Variants in ARB2A observed in about 807,000 individuals in gnomAD.
The protein encoded by ARB2A is cotranscriptional regulator ARB2A.
chr5:93,971,361 C>T, the ARB2A span, among the ~76,000 whole-genome samples: 11 of 151,804 alleles, frequency 7.2e-5, no homozygotes, highest in African/African-American at 2.2e-4. Flanking sequence ...TGAGATCAGG[C>T]GTTCGAAACC....
At chr5:93,740,913 T>C in the ARB2A span, 1 of 1,614,014 alleles carries the variant, frequency 6.2e-7, no homozygotes, top group Non-Finnish European at 8.5e-7. Flanking sequence ...TTCGTCGCTC[T>C]CTGCTTGCCC....
At chr5:94,033,336 A>G in the ARB2A span, among the ~76,000 whole-genome samples, 1 of 152,188 alleles carries the variant, frequency 6.6e-6, no homozygotes, top group African/African-American at 2.4e-5. Flanking sequence ...TGAGTCTCAC[A>G]TGAGACTTTG....
chr5:94,068,724 A>G, the ARB2A span, among the ~76,000 whole-genome samples: 1 of 152,062 alleles, frequency 6.6e-6, no homozygotes, highest in East Asian at 1.9e-4. Flanking sequence ...AAGTGGGTGC[A>G]GTCACCTTCC....
At chr5:94,074,613 A>C in the ARB2A span, 8 of 1,549,732 alleles carry the variant, frequency 5.2e-6, no homozygotes, top group Non-Finnish European at 8.8e-7. Flanking sequence ...AGGCACAATG[A>C]AAATTTCCTG....
At chr5:93,837,488 A>G in the ARB2A span, among the ~76,000 whole-genome samples, 3 of 152,128 alleles carry the variant, frequency 2.0e-5, no homozygotes, top group African/African-American at 7.2e-5. Flanking sequence ...AAAGGAATAT[A>G]ATACATTCCA....
the ARB2A span, among the ~76,000 whole-genome samples, chr5:93,971,375 C>A: frequency 4.5e-4 from 69 of 151,912 alleles, no homozygotes; most frequent in African/African-American, 1.6e-3. Flanking sequence ...CGAAACCAGC[C>A]TGGCCAACGT....
the ARB2A span, among the ~76,000 whole-genome samples, chr5:93,895,143 T>A: frequency 6.6e-6 from 1 of 152,200 alleles, no homozygotes; most frequent in Non-Finnish European, 1.5e-5. Flanking sequence ...AGCAGTTGTC[T>A]GTGCTCATGC....
At chr5:94,029,255 G>A in the ARB2A span, among the ~76,000 whole-genome samples, 3 of 152,112 alleles carry the variant, frequency 2.0e-5, no homozygotes, top group African/African-American at 7.2e-5. Context: ...GCCTCCCAAG[G>A]TGCCTAGATT....
the ARB2A span, among the ~76,000 whole-genome samples, chr5:94,070,797 T>G: frequency 2.0e-5 from 3 of 152,098 alleles, no homozygotes; most frequent in South Asian, 6.2e-4. Context: ...GATGTATATA[T>G]GGCATATAAT....
At chr5:94,002,313 A>G in the ARB2A span, among the ~76,000 whole-genome samples, 4 of 152,126 alleles carry the variant, frequency 2.6e-5, no homozygotes, top group Non-Finnish European at 5.9e-5. Context: ...GATATTTACT[A>G]TGAGAACCTG....
the ARB2A span, among the ~76,000 whole-genome samples, chr5:93,949,093 G>T: frequency 6.6e-6 from 1 of 152,094 alleles, no homozygotes; most frequent in Non-Finnish European, 1.5e-5. Flanking sequence ...ACACCTTCCA[G>T]GGATTTACCA....
chr5:93,856,306 T>TTC, the ARB2A span, among the ~76,000 whole-genome samples: 1 of 152,180 alleles, frequency 6.6e-6, no homozygotes, highest in Non-Finnish European at 1.5e-5. Context: ...TTCTCTGTAT[T>TTC]TCCTGAATCT....
At chr5:93,740,997 C>T in the ARB2A span, 3 of 1,613,858 alleles carry the variant, frequency 1.9e-6, no homozygotes, top group Non-Finnish European at 1.7e-6. Context: ...CTTCCACTTC[C>T]TTCAGCCACT....
At chr5:93,865,827 T>C in the ARB2A span, 27 of 985,382 alleles carry the variant, frequency 2.7e-5, 1 homozygote, top group East Asian at 3.0e-3. Context: ...TGCCGAATAG[T>C]AGGCAGGTGA....
the ARB2A span, among the ~76,000 whole-genome samples, chr5:93,629,110 A>G: frequency 1.3e-5 from 2 of 152,176 alleles, no homozygotes; most frequent in Non-Finnish European, 2.9e-5. Flanking sequence ...AGGCCATTGT[A>G]GGGTTATTAA....
At chr5:93,846,512 A>G in the ARB2A span, among the ~76,000 whole-genome samples, 1 of 151,954 alleles carries the variant, frequency 6.6e-6, no homozygotes, top group Admixed American at 6.6e-5. Context: ...TAAAAAAATA[A>G]TAATAATAAA....
chr5:93,745,157 G>T, the ARB2A span, among the ~76,000 whole-genome samples: 1 of 152,134 alleles, frequency 6.6e-6, no homozygotes, highest in Non-Finnish European at 1.5e-5. Context: ...ATCCACAAAT[G>T]ATAAGAAGCA....
chr5:93,635,576 A>G, the ARB2A span, among the ~76,000 whole-genome samples: 1 of 149,492 alleles, frequency 6.7e-6, no homozygotes, highest in South Asian at 2.1e-4. Flanking sequence ...AGAAGCTGGG[A>G]GTACGGGCGT....
chr5:93,857,427 G>A, the ARB2A span, among the ~76,000 whole-genome samples: 1 of 152,172 alleles, frequency 6.6e-6, no homozygotes, highest in Admixed American at 6.5e-5. Context: ...TTGTGCTGTG[G>A]TGGGCTCCAC....
Sources: allele counts gnomAD v4.1 joint callset (sites outside exome capture counted in the v4.1 genomes callset), GRCh38; gene constraint gnomAD v4.1.1; transcripts MANE v1.5; gene names NCBI Gene and HGNC (gene_info 2026-07-23, HGNC 2026-07-21).